The following FAM98B variants were observed in gnomAD, a reference collection of about 807,000 sequenced individuals.
The protein encoded by FAM98B is tRNA splicing ligase complex subunit 3B.
Under a neutral mutation model 43.9 loss-of-function variants are expected in FAM98B, and 32 were observed. The ratio of observed to expected loss-of-function variants is 0.73; its 90% CI spans 0.55 to 0.98. FAM98B has a LOEUF of 0.98. Among genes scored for constraint, FAM98B ranks in the 50% least tolerant of loss-of-function variants. FAM98B has a pLI of 0.00. For missense variants in FAM98B, 514 were observed against 522.9 expected (o/e 0.98, Z 0.17); for synonymous variants, 190 against 174.0 (o/e 1.09, Z -0.72).
At chr15:38,464,298 AG>A (rs1296767820) in intron 2 of FAM98B, 121 bp downstream of exon 2, 29 of 892,450 alleles carry the variant, frequency 3.2e-5, no homozygotes, top group Middle Eastern at 3.7e-4. Flanking sequence ...AAAGAATTTC[AG>A]TATGTGGTAG....
intron 6 of FAM98B, among the ~76,000 whole-genome samples, chr15:38,477,092 G>A (rs1229514059): frequency 6.6e-6 from 1 of 151,764 alleles, no homozygotes; most frequent in Non-Finnish European, 1.5e-5. Flanking sequence ...GAGGCCAGGA[G>A]TTCAAAACCA....
At chr15:38,469,968 A>G (rs1890098153) in intron 3 of FAM98B, among the ~76,000 whole-genome samples, 1 of 152,132 alleles carries the variant, frequency 6.6e-6, no homozygotes. Context: ...GTGTAAATGC[A>G]TTTAATAGGG....
intron 3 of FAM98B, among the ~76,000 whole-genome samples, chr15:38,468,015 T>C (rs1197709382): frequency 6.6e-6 from 1 of 152,070 alleles, no homozygotes; most frequent in African/African-American, 2.4e-5. Flanking sequence ...TTAATGGTGA[T>C]TGCCTCTGGG....
intron 3 of FAM98B, among the ~76,000 whole-genome samples, chr15:38,469,558 C>G (rs200786843): frequency 6.6e-6 from 1 of 152,178 alleles, no homozygotes; most frequent in East Asian, 1.9e-4. Flanking sequence ...TCATATCTTC[C>G]TTGACTTGGC....
At position 38,454,234 on chromosome 15, in the gene FAM98B, T is replaced by G. The variant is rs1595793792; in HGVS notation, c.71+2T>G. The G allele has an allele frequency of 6.3e-7, 1 of 1,599,144 alleles. No homozygotes were observed. ...GCTGGACACACTGGAGGCGCTGGGG[T>G]GAGTGCTTTTGGAGACGCCTTTTCC... On this transcript the variant is annotated splice_donor_variant, in intron 1 of 7. Coordinates refer to ENST00000397609, the MANE Select transcript of FAM98B (RefSeq NM_173611.4). LOFTEE classifies it high-confidence loss of function.
chr15:38,454,516 C>T (rs1595793955), intron 1 of FAM98B, among the ~76,000 whole-genome samples: 2 of 152,238 alleles, frequency 1.3e-5, no homozygotes, highest in Admixed American at 6.5e-5. Context: ...AGCGGCCCTT[C>T]TAGCACCGGT....
chr15:38,473,444 G>A, intron 4 of FAM98B, 61 bp from the exon 5 acceptor site: 5 of 1,209,172 alleles, frequency 4.1e-6, no homozygotes, highest in East Asian at 2.5e-5. Context: ...CTTTAAACAA[G>A]CATAAGATTG....
At chr15:38,479,024 A>T (rs1890246300) in intron 6 of FAM98B, among the ~76,000 whole-genome samples, 1 of 151,988 alleles carries the variant, frequency 6.6e-6, no homozygotes, top group Non-Finnish European at 1.5e-5. Flanking sequence ...CAGTGCCATC[A>T]TCATAGCTCA....
At chr15:38,467,586 A>G (rs137925765) in intron 3 of FAM98B, among the ~76,000 whole-genome samples, 2 of 152,338 alleles carry the variant, frequency 1.3e-5, no homozygotes, top group Non-Finnish European at 2.9e-5. Context: ...TTAGGAGGAC[A>G]CATTTTCAAT....
chr15:38,484,430 G>T lies in FAM98B; in HGVS notation c.1073G>T (p.Gly358Val). Residue 358 changes from glycine (G) to valine (V), a missense_variant, in exon 8 of 8, where the codon GGC (glycine) becomes GTC (valine). Gly to Val is a moderately radical substitution (Grantham distance 109, BLOSUM62 -3). Around this residue, in one of 2 missense-constraint regions of FAM98B, gnomAD observed 469 missense variants for 451.8 expected, o/e 1.04. Coordinates refer to ENST00000397609, the MANE Select transcript of FAM98B (RefSeq NM_173611.4). ...GGTGGGGGTGGGGGTGGGAGAGGTG[G>T]CTGGGGGGGTGGAGGAGGAGGTTGG... ...GGGGGGGGRG[G>V]WGGGGGGWGG... The T allele has an allele frequency of 5.8e-6, 5 of 858,502 alleles. No individual in the cohort carries two copies. The highest frequency in any genetic ancestry group is 5.6e-6 in the Non-Finnish European group (4 of 711,938). The allele number at this position is 858,502 out of a possible 1,614,324, so 53.2% of individuals were successfully genotyped here. A position where few individuals can be genotyped will look rare whatever the true frequency, so the allele number is the denominator to read the frequency against.
At chr15:38,482,912 T>TAATA (rs1438871376) in intron 7 of FAM98B, 8 of 152,228 alleles carry the variant, frequency 5.3e-5, no homozygotes, top group African/African-American at 1.7e-4. Flanking sequence ...GTAAAGGAAT[T>TAATA]ATATTAACTG....
chr15:38,466,182 T>TTGTGTGTGTGTGTGTG (rs35919139), intron 3 of FAM98B, among the ~76,000 whole-genome samples: 13 of 147,704 alleles, frequency 8.8e-5, no homozygotes, highest in East Asian at 4.0e-4. Context: ...GAGATGAAAT[T>TTGTGTGTGTGTGTGTG]TGTGTGTGTG....
chr15:38,481,050 A>C (rs1890275063), intron 6 of FAM98B, among the ~76,000 whole-genome samples: 1 of 151,962 alleles, frequency 6.6e-6, no homozygotes, highest in East Asian at 1.9e-4. Context: ...TATGTATAGA[A>C]ATTTTTTTGT....
chr15:38,479,780 C>T (rs1044344516), intron 6 of FAM98B, among the ~76,000 whole-genome samples: 2 of 152,124 alleles, frequency 1.3e-5, no homozygotes, highest in African/African-American at 4.8e-5. Flanking sequence ...GGTTTTGTCT[C>T]TTAATGCTCT....
chr15:38,458,130 C>T (rs1481320061), intron 1 of FAM98B, among the ~76,000 whole-genome samples: 4 of 152,130 alleles, frequency 2.6e-5, no homozygotes, highest in Admixed American at 6.5e-5. Context: ...AGAAAGGGCC[C>T]ATGCCAGGCA....
intron 1 of FAM98B, among the ~76,000 whole-genome samples, chr15:38,459,700 C>T (rs150161990): frequency 3.2e-4 from 49 of 152,310 alleles, no homozygotes; most frequent in Admixed American, 7.8e-4. Flanking sequence ...GGCTGCGAAG[C>T]GAGGTGGCCT....
chr15:38,463,126 G>T (rs1889975483), intron 1 of FAM98B, among the ~76,000 whole-genome samples: 1 of 152,194 alleles, frequency 6.6e-6, no homozygotes. Flanking sequence ...ATTCAGTTAA[G>T]ATAGTATATA....
At chr15:38,478,543 A>C (rs1890239384) in intron 6 of FAM98B, among the ~76,000 whole-genome samples, 1 of 152,160 alleles carries the variant, frequency 6.6e-6, no homozygotes, top group South Asian at 2.1e-4. Flanking sequence ...CAGCAGTTTA[A>C]ATCTTTGCAC....
chr15:38,458,487 G>A (rs1363251608), intron 1 of FAM98B, among the ~76,000 whole-genome samples: 1 of 152,020 alleles, frequency 6.6e-6, no homozygotes, highest in East Asian at 1.9e-4. Context: ...TATATGCTGG[G>A]GCCACAGTTC....
Sources: gnomAD v4.1 joint callset for allele counts (sites outside exome capture counted in the v4.1 genomes callset) on GRCh38, gnomAD v4.1.1 for gene constraint, gnomAD v4.1.1 regional missense constraint, MANE v1.5 for transcripts, NCBI Gene and HGNC (gene_info 2026-07-23, HGNC 2026-07-21) for gene names.